EML1: variants seen among roughly 807,000 people sequenced by gnomAD.
EML1 encodes EMAP like 1.
A neutral mutation model predicts 110.4 loss-of-function variants in EML1; 27 were observed. That is an observed-to-expected ratio of 0.24 (90% confidence interval 0.18 to 0.34). The LOEUF is 0.34. Ranked by LOEUF, EML1 falls within the 10% of genes least tolerant of loss-of-function variation. The pLI is 1.00. For missense variants in EML1, 741 were observed against 1,030.9 expected, an observed-to-expected ratio of 0.72 and a Z score of 3.85; for synonymous variants, 344 against 385.8, an observed-to-expected ratio of 0.89 and a Z score of 1.27.
chr14:99,812,686 C>G (rs1288818563), intron 1 of EML1, among the ~76,000 whole-genome samples: 1 of 152,104 alleles, frequency 6.6e-6, no homozygotes, highest in African/African-American at 2.4e-5. Flanking sequence ...GGGAGTCAGC[C>G]TTCCTCCTCT....
intron 2 of EML1, among the ~76,000 whole-genome samples, chr14:99,851,859 T>C (rs1040273790): frequency 2.6e-5 from 4 of 152,096 alleles, no homozygotes; most frequent in African/African-American, 9.7e-5. Context: ...CAGAGTCCTA[T>C]GTTATCATTA....
rs370673628 is a variant in EML1 at position 99,760,302 on chromosome 14, T to C, written c.28+22442T>C. On this transcript the variant is annotated intron_variant, in intron 1 of 10. Transcript: ENST00000554479. ...GGGTTTCCTTTCTCTCCCTTCTCTT[T>C]CTTTCTGTGCAAAGTTGCCCTATCA... is the stretch of plus-strand genomic sequence containing the variant. 3.9e-5 allele frequency among the ~76,000 whole-genome samples: 6 copies of C among 152,226 alleles called. 1 individual carries two copies. The highest frequency in any genetic ancestry group is 1.4e-4 in the African/African-American group (6 of 41,546).
intron 1 of EML1, among the ~76,000 whole-genome samples, chr14:99,799,998 A>C (rs989383185): frequency 3.3e-5 from 5 of 152,224 alleles, no homozygotes; most frequent in African/African-American, 1.2e-4. Flanking sequence ...AGGAACAACT[A>C]TTCATCCTTA....
intron 5 of EML1, among the ~76,000 whole-genome samples, chr14:99,893,111 A>G (rs763259909): frequency 6.6e-6 from 1 of 152,084 alleles, no homozygotes; most frequent in Non-Finnish European, 1.5e-5. Flanking sequence ...GAGGGGGGCA[A>G]AGAGACACGC....
In EML1 at chr14:99,811,524, C is replaced by T. The variant is rs1456206111; in HGVS notation, c.67+17981C>T. ...GAAAATGTTACTAAGAAAATCAAGC[C>T]GAGTTGGGTGGCTCATGCCTGTAAT... On this transcript the variant is annotated intron_variant, in intron 1 of 21. Transcript: ENST00000262233. Among the ~76,000 whole-genome samples, 4 of 151,062 alleles carry T rather than the reference C, an allele frequency of 2.6e-5. No homozygotes were observed. In the East Asian group the frequency reaches 5.8e-4, roughly 22 times the overall value.
chr14:99,918,028 C>G (rs1345630949), intron 16 of EML1, among the ~76,000 whole-genome samples, 179 bp downstream of exon 16: 1 of 152,176 alleles, frequency 6.6e-6, no homozygotes, highest in East Asian at 1.9e-4. Flanking sequence ...ACATTTTGAG[C>G]CTTGGGGAAT....
chr14:99,915,795 T>C (rs1237535767), intron 15 of EML1, among the ~76,000 whole-genome samples: 1 of 152,228 alleles, frequency 6.6e-6, no homozygotes, highest in Non-Finnish European at 1.5e-5. Flanking sequence ...GCCCTAATGA[T>C]CTGTGCAATC....
intron 1 of EML1, among the ~76,000 whole-genome samples, chr14:99,846,997 T>C (rs1203485863): frequency 6.6e-6 from 1 of 152,220 alleles, no homozygotes; most frequent in East Asian, 1.9e-4. Flanking sequence ...TTTAAAGCTA[T>C]TAGTTTTCCT....
Position 99,936,407 on chromosome 14 carries a change from G to C in EML1, c.2095+73G>C. The C allele has an allele frequency of 7.2e-7, 1 of 1,390,780 alleles. No individual in the cohort carries two copies. Among genetic ancestry groups the C allele is most frequent in the Non-Finnish European group, 1.0e-6 (1 of 989,732 alleles). 86.2% of individuals were successfully genotyped at this position (1,390,780 alleles called of 1,614,324 possible). Reference sequence around the variant, plus strand: ...TCACTCTGAGATCCAGGGGGCCTCTGTGAGAACCCACCTCCTGTATGACTT... The same window carrying C: ...TCACTCTGAGATCCAGGGGGCCTCTCTGAGAACCCACCTCCTGTATGACTT... On this transcript the variant is annotated intron_variant, in intron 19 of 21. Coordinates refer to ENST00000262233, the MANE Select transcript of EML1 (RefSeq NM_004434.3). The surrounding 1 kb of genome is among the most constrained non-coding windows in gnomAD (Gnocchi z 5.5).
intron 9 of EML1, among the ~76,000 whole-genome samples, chr14:99,906,218 A>G (rs1358774831): frequency 2.0e-5 from 3 of 152,186 alleles, no homozygotes; most frequent in Non-Finnish European, 4.4e-5. Context: ...AGGGGTCCCA[A>G]TCCAGACCCC....
intron 2 of EML1, among the ~76,000 whole-genome samples, chr14:99,859,327 C>T (rs945713581): frequency 2.0e-5 from 3 of 152,068 alleles, no homozygotes; most frequent in Admixed American, 2.0e-4. Flanking sequence ...AATACCGCAC[C>T]TGTTACTGGA....
At chr14:99,835,164 C>T (rs1191397550) in intron 1 of EML1, among the ~76,000 whole-genome samples, 4 of 152,174 alleles carry the variant, frequency 2.6e-5, no homozygotes, top group Non-Finnish European at 5.9e-5. Context: ...TTTAATAGGA[C>T]TCTTTAGATC....
chr14:99,837,662 A>G (rs944013258), intron 1 of EML1, among the ~76,000 whole-genome samples: 3 of 152,228 alleles, frequency 2.0e-5, no homozygotes, highest in Non-Finnish European at 4.4e-5. Flanking sequence ...AGTATCTTCC[A>G]TAGCCGAACA....
At position 99,854,996 on chromosome 14, in the gene EML1, T is replaced by C. The variant is rs550264286; in HGVS notation, c.250+3961T>C. 4.5e-3 allele frequency among the ~76,000 whole-genome samples: 681 copies of C among 152,066 alleles called. 3 individuals carry two copies. Among genetic ancestry groups the C allele is most frequent in the Non-Finnish European group, 7.0e-3 (474 of 67,992 alleles). ...AGCACTGTGCGCAACGGAGAAAAAC[T>C]GGATAGGAAACAATAAGGGAGCAGC... is the stretch of plus-strand genomic sequence containing the variant. On this transcript the variant is annotated intron_variant, in intron 2 of 21. Transcript: ENST00000262233.
intron 1 of EML1, chr14:99,850,396 CAG>C: frequency 7.9e-7 from 1 of 1,266,160 alleles, no homozygotes. Flanking sequence ...CTTTATCCTT[CAG>C]AGTCTTGACC....
chr14:99,850,721 A>G lies in EML1; in HGVS notation c.68-132A>G, dbSNP rs2058781861. 1.6e-5 allele frequency: 14 copies of G among 865,746 alleles called. No individual in the cohort carries two copies. The South Asian group carries it at 2.5e-4, about 16-fold the overall frequency. 53.6% of individuals were successfully genotyped at this position (865,746 alleles called of 1,614,324 possible). On this transcript the variant is annotated intron_variant, in intron 1 of 21. Coordinates refer to ENST00000262233, the MANE Select transcript of EML1 (RefSeq NM_004434.3). Reference sequence around the variant, plus strand: ...AGATTTCATGTGATTTCTGCTTAAGAGCAGTATCTGTAGTCCGTAAGTGTT... The same window carrying G: ...AGATTTCATGTGATTTCTGCTTAAGGGCAGTATCTGTAGTCCGTAAGTGTT...
At chr14:99,899,207 A>G (rs2059720978) in intron 8 of EML1, among the ~76,000 whole-genome samples, 1 of 146,718 alleles carries the variant, frequency 6.8e-6, no homozygotes, top group Admixed American at 6.8e-5. Flanking sequence ...ATTTAAGTAC[A>G]TACATTTTAT....
At chr14:99,767,395 A>G (rs1269650902) in intron 1 of EML1, among the ~76,000 whole-genome samples, 1 of 152,224 alleles carries the variant, frequency 6.6e-6, no homozygotes, top group Non-Finnish European at 1.5e-5. Flanking sequence ...TAAGGTCAGG[A>G]TATGGCGACC....
chr14:99,852,836 C>T lies in EML1; in HGVS notation c.250+1801C>T, dbSNP rs190885108. On this transcript the variant is annotated intron_variant, in intron 2 of 21. Transcript: ENST00000262233. The stretch of plus-strand genomic sequence containing the variant: ...GCTTCGTGTGAGATGGCTGGCTACA[C>T]CTGTTGGGCTGATGTCTGCATTTTG... Among the ~76,000 whole-genome samples the T allele has an allele frequency of 3.3e-5, 5 of 152,258 alleles. No homozygotes were observed. The East Asian group carries it at 9.7e-4, about 29-fold the overall frequency.
Sources: allele counts gnomAD v4.1 joint callset (sites outside exome capture counted in the v4.1 genomes callset), GRCh38; gene constraint gnomAD v4.1.1; non-coding constraint Gnocchi (gnomAD v3.1); transcripts MANE v1.5; gene names NCBI Gene and HGNC (gene_info 2026-07-23, HGNC 2026-07-21).